MAP2K4: variants seen among roughly 807,000 people sequenced by gnomAD.
The protein encoded by MAP2K4 is mitogen-activated protein kinase kinase 4.
Under a neutral mutation model 48.5 loss-of-function variants are expected in MAP2K4, and 4 were observed. The observed-to-expected ratio is 0.08, with a 90% CI of 0.04 to 0.19. The LOEUF is 0.19. Among genes scored for constraint, MAP2K4 ranks in the 10% least tolerant of loss-of-function variants. The probability of loss-of-function intolerance (pLI) is 1.00; values close to 1 mark genes in which losing one functional copy is unlikely to be tolerated. For missense variants in MAP2K4, 258 were observed against 493.3 expected (o/e 0.52, Z 4.52); for synonymous variants, 166 against 173.1 (o/e 0.96, Z 0.32).
chr17:12,116,773 G>A (rs569381308), intron 7 of MAP2K4, among the ~76,000 whole-genome samples: 2 of 152,256 alleles, frequency 1.3e-5, no homozygotes, highest in African/African-American at 4.8e-5. Context: ...TGATATCAAT[G>A]CCTTCTTTGT....
At chr17:12,025,831 AT>A (rs1969236221) in intron 1 of MAP2K4, among the ~76,000 whole-genome samples, 1 of 152,246 alleles carries the variant, frequency 6.6e-6, no homozygotes, top group Non-Finnish European at 1.5e-5. Context: ...TAAAATGTAT[AT>A]GAAATGTCCT....
intron 3 of MAP2K4, among the ~76,000 whole-genome samples, chr17:12,087,137 C>T (rs567485103): frequency 6.6e-6 from 1 of 152,114 alleles, no homozygotes; most frequent in Non-Finnish European, 1.5e-5. Flanking sequence ...TGAGAGCTAC[C>T]ACGCCCAGCC....
rs758414061 is a variant in MAP2K4 at position 12,129,126 on chromosome 17, T to C, written c.892-13T>C. ...CCTGGTGTATTTTGCTCTTTCCTCT[T>C]TGTTCTCTTTAGTATGAGTTGGCCA... On this transcript the variant is annotated splice_polypyrimidine_tract_variant and intron_variant, in intron 8 of 10. Coordinates refer to ENST00000353533, the MANE Select transcript of MAP2K4 (RefSeq NM_003010.4). 2 of 1,612,782 alleles carry C rather than the reference T, an allele frequency of 1.2e-6. No individual in the cohort carries two copies. Among genetic ancestry groups the C allele is most frequent in the South Asian group, 2.2e-5 (2 of 90,996 alleles).
chr17:12,035,378 G>C (rs1034000013), intron 1 of MAP2K4, among the ~76,000 whole-genome samples: 2 of 152,138 alleles, frequency 1.3e-5, no homozygotes, highest in Non-Finnish European at 2.9e-5. Flanking sequence ...TTAGCTGGGC[G>C]TGGTGGCACA....
intron 2 of MAP2K4, among the ~76,000 whole-genome samples, chr17:12,071,326 G>A (rs559939900): frequency 4.6e-5 from 7 of 152,052 alleles, no homozygotes; most frequent in Non-Finnish European, 7.4e-5. Flanking sequence ...TGTATATTAA[G>A]GATAGCCAGT....
chr17:12,089,580 A>G (rs1971494586), intron 3 of MAP2K4, among the ~76,000 whole-genome samples: 1 of 152,106 alleles, frequency 6.6e-6, no homozygotes, highest in Admixed American at 6.5e-5. Flanking sequence ...CCTGTCTTTT[A>G]CTTTGGAATA....
rs1021464279 is a variant in MAP2K4, at chr17:12,141,957, T to A, written c.*697T>A. On this transcript the variant is annotated 3_prime_UTR_variant, in exon 11 of 11. Transcript: ENST00000353533. Reference sequence around the variant, plus strand: ...ATAGAGACAGGACAGAATGTGTTCTTTTCTCCTTTACCAGTCCTATTTTTC... The same window carrying A: ...ATAGAGACAGGACAGAATGTGTTCTATTCTCCTTTACCAGTCCTATTTTTC... 8.6e-6 allele frequency: 2 copies of A among 233,202 alleles called. No homozygotes were observed. The highest frequency in any genetic ancestry group is 4.4e-5 in the African/African-American group (2 of 45,278). The allele number at this position is 233,202 out of a possible 1,614,324, so 14.4% of individuals were successfully genotyped here. A position where few individuals can be genotyped will look rare whatever the true frequency, so the allele number is the denominator to read the frequency against.
chr17:12,099,590 A>G lies in MAP2K4; in HGVS notation c.513+3896A>G, dbSNP rs117817136. Reference sequence around the variant, plus strand: ...CATGCATACTTCTTTCTAGGATGGAACCAACCTCAAAAAGAAAAGTCCAAA... The same window carrying G: ...CATGCATACTTCTTTCTAGGATGGAGCCAACCTCAAAAAGAAAAGTCCAAA... On this transcript the variant is annotated intron_variant, in intron 4 of 10. Coordinates refer to ENST00000353533, the MANE Select transcript of MAP2K4 (RefSeq NM_003010.4). Among the ~76,000 whole-genome samples, 87 of 152,306 alleles carry G rather than the reference A, an allele frequency of 5.7e-4. No homozygotes were observed. In the East Asian group the frequency reaches 0.015, roughly 27 times the overall value.
intron 3 of MAP2K4, among the ~76,000 whole-genome samples, chr17:12,093,618 ATG>A (rs1353636161): frequency 6.6e-6 from 1 of 152,224 alleles, no homozygotes; most frequent in Non-Finnish European, 1.5e-5. Flanking sequence ...ATAGTAGTTT[ATG>A]TGTGTTAGTA....
chr17:12,120,189 G>A (rs1034397546), intron 7 of MAP2K4, among the ~76,000 whole-genome samples: 23 of 152,238 alleles, frequency 1.5e-4, no homozygotes, highest in African/African-American at 4.3e-4. Flanking sequence ...GGCCGGGCGC[G>A]GTGGCACATG....
At chr17:12,121,862 T>A (rs943063500) in intron 7 of MAP2K4, among the ~76,000 whole-genome samples, 3 of 152,230 alleles carry the variant, frequency 2.0e-5, no homozygotes, top group South Asian at 2.1e-4. Context: ...GCCTTTTTTT[T>A]AAGCAGTTAA....
chr17:12,114,387 G>GGTGTGTGTGTGTGTGT (rs61666948), intron 7 of MAP2K4, among the ~76,000 whole-genome samples: 2 of 149,264 alleles, frequency 1.3e-5, no homozygotes, highest in African/African-American at 4.9e-5. Flanking sequence ...ATGTAAAAGC[G>GGTGTGTGTGTGTGTGT]GTGTGTGTGT....
intron 3 of MAP2K4, among the ~76,000 whole-genome samples, chr17:12,089,541 T>C (rs1313734187): frequency 6.6e-6 from 1 of 152,222 alleles, no homozygotes; most frequent in Admixed American, 6.5e-5. Context: ...TCATTGTGTC[T>C]GAGTCCTAAT....
At position 12,045,305 on chromosome 17, in the gene MAP2K4, TAA is replaced by T. The variant is rs898796999; in HGVS notation, c.116-9581_116-9580del. Among the ~76,000 whole-genome samples the T allele has an allele frequency of 1.6e-3, 248 of 152,306 alleles. 1 individual carries two copies. Among genetic ancestry groups the T allele is most frequent in the African/African-American group, 5.7e-3 (238 of 41,554 alleles). On this transcript the variant is annotated intron_variant, in intron 1 of 10. Transcript: ENST00000353533. The stretch of plus-strand genomic sequence containing the variant: ...TCACTTATAGGTGGTGAACAGTTGT[TAA>T]AATAGGGTGGTGATAGGATGTCATG...
chr17:12,081,222 A>C lies in MAP2K4; in HGVS notation c.219-134A>C, dbSNP rs1971177260. 1 of 615,958 alleles carries C rather than the reference A, an allele frequency of 1.6e-6. No homozygotes were observed. The highest frequency in any genetic ancestry group is 2.9e-5 in the East Asian group (1 of 34,066). 38.2% of individuals were successfully genotyped at this position (615,958 alleles called of 1,614,324 possible). A position where few individuals can be genotyped will look rare whatever the true frequency, so the allele number is the denominator to read the frequency against. On this transcript the variant is annotated intron_variant, in intron 2 of 10. Coordinates refer to ENST00000353533, the MANE Select transcript of MAP2K4 (RefSeq NM_003010.4). The surrounding 1 kb of genome is among the most constrained non-coding windows in gnomAD (Gnocchi z 4.2). Reference sequence around the variant, plus strand: ...AAAAAACCAGGATGACACAAATGAAAAACTTCAAAAACCTGGAGGTCAGAC... The same window carrying C: ...AAAAAACCAGGATGACACAAATGAACAACTTCAAAAACCTGGAGGTCAGAC...
At chr17:12,079,953 T>C (rs1002829757) in intron 2 of MAP2K4, among the ~76,000 whole-genome samples, 6 of 152,186 alleles carry the variant, frequency 3.9e-5, no homozygotes, top group Admixed American at 1.3e-4. Context: ...TCAAATAATA[T>C]GGGTGAAAGG....
intron 1 of MAP2K4, among the ~76,000 whole-genome samples, chr17:12,022,159 C>T (rs1029935248): frequency 5.3e-5 from 8 of 152,144 alleles, no homozygotes; most frequent in African/African-American, 1.9e-4. Flanking sequence ...GTTCAACAGA[C>T]ATTTATTGAA....
At chr17:12,067,074 G>A (rs1597432059) in intron 2 of MAP2K4, among the ~76,000 whole-genome samples, 2 of 152,122 alleles carry the variant, frequency 1.3e-5, no homozygotes, top group Admixed American at 1.3e-4. Flanking sequence ...CACCCACCTC[G>A]GCCTCCCAAA....
intron 1 of MAP2K4, among the ~76,000 whole-genome samples, chr17:12,023,587 T>C (rs894461674): frequency 2.0e-5 from 3 of 152,232 alleles, no homozygotes; most frequent in Non-Finnish European, 4.4e-5. Context: ...AAGGAATGTT[T>C]CATGCAGTAG....
Sources: allele counts gnomAD v4.1 joint callset (sites outside exome capture counted in the v4.1 genomes callset), GRCh38; gene constraint gnomAD v4.1.1; non-coding constraint Gnocchi (gnomAD v3.1); transcripts MANE v1.5; gene names NCBI Gene and HGNC (gene_info 2026-07-23, HGNC 2026-07-21).